KAZN: variants seen among roughly 807,000 people sequenced by gnomAD.
KAZN encodes kazrin, periplakin interacting protein, also known as kazrin.
In KAZN, 40 loss-of-function variants were observed where a neutral mutation model predicts 87.4. That is an observed-to-expected ratio of 0.46 (90% confidence interval 0.36 to 0.60). KAZN has a LOEUF of 0.60. KAZN is among the 20% of genes least tolerant of loss of function. The probability of loss-of-function intolerance (pLI) is 0.00; values close to 1 mark genes in which losing one functional copy is unlikely to be tolerated. For synonymous variants in KAZN, 466 were observed against 458.3 expected (o/e 1.02, Z -0.22); for missense variants, 898 against 1,073.9 (o/e 0.84, Z 2.29).
chr1:15,077,016 C>A lies in KAZN; in HGVS notation c.1222+11263C>A, dbSNP rs966520966. On this transcript the variant is annotated intron_variant, in intron 8 of 14. Coordinates refer to ENST00000376030, the MANE Select transcript of KAZN (RefSeq NM_201628.3). The surrounding 1 kb of genome is among the most constrained non-coding windows in gnomAD (Gnocchi z 4.8). The stretch of plus-strand genomic sequence containing the variant: ...GTGACGTGGCCACGTGGGGCCAGCA[C>A]GTGCTGTAGCAAAAGGAAGCAGCTC... 6.6e-6 allele frequency among the ~76,000 whole-genome samples: 1 copy of A among 152,198 alleles called. No homozygotes were observed. Among genetic ancestry groups the A allele is most frequent in the African/African-American group, 2.4e-5 (1 of 41,454 alleles).
intron 2 of KAZN, among the ~76,000 whole-genome samples, chr1:14,583,260 T>C (rs1474959296): frequency 6.6e-6 from 1 of 152,216 alleles, no homozygotes; most frequent in African/African-American, 2.4e-5. Flanking sequence ...TAGTACACTA[T>C]CCTGCCTCTT....
intron 2 of KAZN, among the ~76,000 whole-genome samples, chr1:14,357,508 A>G (rs946887457): frequency 2.0e-5 from 3 of 152,216 alleles, no homozygotes; most frequent in Admixed American, 6.5e-5. Flanking sequence ...GCCGGTTTTC[A>G]AAGGGAATGC....
rs3031975 is a variant in KAZN at position 13,994,871 on chromosome 1, T to TAAACAAAC, written c.91+101136_91+101143dup. Among the ~76,000 whole-genome samples, 184 of 150,652 alleles carry TAAACAAAC rather than the reference T, an allele frequency of 1.2e-3. 2 individuals are homozygous for TAAACAAAC. The highest frequency in any genetic ancestry group is 2.1e-3 in the African/African-American group (85 of 40,960). On this transcript the variant is annotated intron_variant, in intron 1 of 16. Coordinates refer to the KAZN transcript ENST00000636203. ...TCTGGTGGATGGGAATGCAGCATGC[T>TAAACAAAC]AAACAAACAAACAAACAAACAAACA...
chr1:14,610,663 A>G (rs902467077), intron 1 of KAZN, among the ~76,000 whole-genome samples: 4 of 151,876 alleles, frequency 2.6e-5, no homozygotes, highest in Admixed American at 6.6e-5. Flanking sequence ...AGATCTGACA[A>G]TGGCTCCCCT....
chr1:14,245,381 A>G (rs924586703), intron 2 of KAZN, among the ~76,000 whole-genome samples: 1 of 152,094 alleles, frequency 6.6e-6, no homozygotes, highest in African/African-American at 2.4e-5. Context: ...TGACTTGACA[A>G]TATGTCAGCT....
intron 3 of KAZN, 63 bp downstream of exon 3, chr1:15,034,948 CT>C: frequency 6.3e-7 from 1 of 1,583,152 alleles, no homozygotes; most frequent in Non-Finnish European, 8.6e-7. Context: ...CCCCTGCTGG[CT>C]GGCCACCTTC....
intron 1 of KAZN, among the ~76,000 whole-genome samples, chr1:14,680,399 G>A (rs1640500082): frequency 6.6e-6 from 1 of 151,996 alleles, no homozygotes; most frequent in Non-Finnish European, 1.5e-5. Flanking sequence ...CTTTATCTAC[G>A]TGGATCCTAG....
At chr1:13,911,886 C>T (rs1639664162) in intron 1 of KAZN, among the ~76,000 whole-genome samples, 1 of 152,042 alleles carries the variant, frequency 6.6e-6, no homozygotes, top group South Asian at 2.1e-4. Context: ...CTAGGTGGTT[C>T]TAAGAAGTGA....
chr1:14,369,930 C>T (rs1008921717), intron 2 of KAZN, among the ~76,000 whole-genome samples: 1 of 152,234 alleles, frequency 6.6e-6, no homozygotes, highest in Admixed American at 6.5e-5. Flanking sequence ...CCAGAAACAA[C>T]TGGCTCTAAC....
intron 1 of KAZN, among the ~76,000 whole-genome samples, chr1:14,075,629 C>T (rs543708042): frequency 2.0e-5 from 3 of 152,254 alleles, no homozygotes; most frequent in South Asian, 4.2e-4. Context: ...CATGCATGCT[C>T]AGAACAAAAA....
At chr1:14,431,859 G>A (rs75755499) in intron 2 of KAZN, among the ~76,000 whole-genome samples, 400 of 152,264 alleles carry the variant, frequency 2.6e-3, no homozygotes, top group Non-Finnish European at 4.6e-3. Flanking sequence ...TTTTGGACTC[G>A]GACTGAGACA....
At position 13,988,105 on chromosome 1, in the gene KAZN, A is replaced by C. The variant is rs1409422562; in HGVS notation, c.91+94349A>C. On this transcript the variant is annotated intron_variant, in intron 1 of 16. Transcript: ENST00000636203. ...GTACTTCACCTTCAAACACTGTTGC[A>C]CTGGGGATTAGGTGTCCAAAACATG... 1.3e-5 allele frequency among the ~76,000 whole-genome samples: 2 copies of C among 152,190 alleles called. 1 individual carries two copies. Among genetic ancestry groups the C allele is most frequent in the Non-Finnish European group, 2.9e-5 (2 of 68,026 alleles).
At chr1:13,901,432 C>T (rs114092061) in intron 1 of KAZN, among the ~76,000 whole-genome samples, 2,754 of 152,278 alleles carry the variant, frequency 0.018, 65 homozygotes, top group African/African-American at 0.062. Context: ...AACAAGGGGC[C>T]GGACAGGTCA....
At chr1:14,721,411 C>T (rs964397398) in intron 1 of KAZN, among the ~76,000 whole-genome samples, 2 of 152,242 alleles carry the variant, frequency 1.3e-5, no homozygotes, top group African/African-American at 4.8e-5. Flanking sequence ...CCCAGCCATG[C>T]TGGACTGTGA....
chr1:15,043,752 C>T (rs1673166623), intron 3 of KAZN, among the ~76,000 whole-genome samples: 2 of 150,310 alleles, frequency 1.3e-5, no homozygotes, highest in Admixed American at 1.3e-4. Flanking sequence ...CTGCCATTCT[C>T]CTGCCTCAGC....
intron 2 of KAZN, among the ~76,000 whole-genome samples, chr1:14,506,138 G>C (rs1297967236): frequency 6.6e-6 from 1 of 152,132 alleles, no homozygotes; most frequent in Non-Finnish European, 1.5e-5. Context: ...GGGTGAGGAG[G>C]ACAGGCCAGA....
chr1:14,858,123 T>C (rs142113963), intron 1 of KAZN, among the ~76,000 whole-genome samples: 1 of 152,292 alleles, frequency 6.6e-6, no homozygotes, highest in Non-Finnish European at 1.5e-5. Context: ...GCAGCGTGTA[T>C]CAGTACTTCA....
chr1:14,181,197 T>C (rs939832621), intron 2 of KAZN, among the ~76,000 whole-genome samples: 15 of 152,326 alleles, frequency 9.8e-5, no homozygotes, highest in African/African-American at 3.6e-4. Context: ...AAACACCAAG[T>C]GTTTTAAGAG....
At position 14,773,351 on chromosome 1, in the gene KAZN, CCCACGATG is replaced by C. The variant is rs1645075099; in HGVS notation, c.226+174132_226+174139del. Among the ~76,000 whole-genome samples, 1 of 152,142 alleles carries C rather than the reference CCCACGATG, an allele frequency of 6.6e-6. No homozygotes were observed. The highest frequency in any genetic ancestry group is 1.9e-4 in the East Asian group (1 of 5,174). Reference sequence around the variant, plus strand: ...CCCAATCCACCTCCCACCTCACCTGCCCACGATGCCATTGCTTCAAATGGCTTTCAACA... The same window carrying C: ...CCCAATCCACCTCCCACCTCACCTGCCCATTGCTTCAAATGGCTTTCAACA... On this transcript the variant is annotated intron_variant, in intron 1 of 14. Coordinates refer to ENST00000376030, the MANE Select transcript of KAZN (RefSeq NM_201628.3). This position sits in a 1 kb window ranked among gnomAD's most constrained non-coding sequence, Gnocchi z 5.9.
Sources: gnomAD v4.1 joint callset for allele counts (sites outside exome capture counted in the v4.1 genomes callset) on GRCh38, gnomAD v4.1.1 for gene constraint, Gnocchi (gnomAD v3.1) non-coding constraint, MANE v1.5 for transcripts, NCBI Gene and HGNC (gene_info 2026-07-23, HGNC 2026-07-21) for gene names.